Variants in IL21R observed in about 807,000 individuals in gnomAD.
IL21R encodes interleukin-21 receptor.
In IL21R, 14 loss-of-function variants were observed where a neutral mutation model predicts 41.3. The observed-to-expected ratio is 0.34, with a 90% confidence interval of 0.22 to 0.53. The LOEUF is 0.53. Among genes scored for constraint, IL21R ranks in the 20% least tolerant of loss-of-function variants. The pLI is 0.94. For synonymous variants in IL21R, 286 were observed against 287.6 expected (o/e 0.99, Z 0.05); for missense variants, 588 against 681.6 (o/e 0.86, Z 1.53).
In IL21R at chr16:27,449,276, C is replaced by T. The variant is rs530838561; in HGVS notation, c.1610C>T (p.Ala537Val). Residue 537 changes from alanine (A) to valine (V), a missense_variant, in exon 9 of 9, where the codon GCC (alanine) becomes GTC (valine). Ala to Val is a moderately conservative substitution (Grantham distance 64). Coordinates refer to ENST00000337929, the MANE Select transcript of IL21R (RefSeq NM_181078.3). Reference sequence around the variant, plus strand: ...CCACTTTCGAGCCCTGGACCCCAGGCCAGCTAATGAGGCTGACTGGATGTC... The same window carrying T: ...CCACTTTCGAGCCCTGGACCCCAGGTCAGCTAATGAGGCTGACTGGATGTC... The part of the protein sequence containing the change: ...PPPLSSPGPQ[A>V]S The T allele has an allele frequency of 3.1e-6, 5 of 1,594,504 alleles. No homozygotes were observed. The Admixed American group carries it at 6.8e-5, about 22-fold the overall frequency.
chr16:27,434,796 A>G (rs2087239013), intron 3 of IL21R, among the ~76,000 whole-genome samples: 1 of 152,136 alleles, frequency 6.6e-6, no homozygotes, highest in Admixed American at 6.5e-5. Flanking sequence ...AGATGAGGAC[A>G]TTGAGGTTCA....
In IL21R at chr16:27,411,900, G is replaced by A. The variant is rs567297302; in HGVS notation, c.-17+9282G>A. ...ATTCCATAGGTTGCCTTTTGATTCC[G>A]TTGATTATTTCCTCTGCTGAACAGA... On this transcript the variant is annotated intron_variant, in intron 1 of 8. Transcript: ENST00000337929. Among the ~76,000 whole-genome samples, 41 of 152,172 alleles carry A rather than the reference G, an allele frequency of 2.7e-4. No individual in the cohort carries two copies. The East Asian group carries it at 3.7e-3, about 14-fold the overall frequency.
At chr16:27,417,014 T>C (rs1419300616) in intron 1 of IL21R, among the ~76,000 whole-genome samples, 1 of 152,220 alleles carries the variant, frequency 6.6e-6, no homozygotes, top group Non-Finnish European at 1.5e-5. Context: ...TCTTTATCCA[T>C]TCACCAGTCG....
chr16:27,427,551 C>T (rs1194135458), intron 1 of IL21R, among the ~76,000 whole-genome samples: 1 of 152,118 alleles, frequency 6.6e-6, no homozygotes, highest in African/African-American at 2.4e-5. Context: ...ACACAGCACC[C>T]GGCTAACTTA....
chr16:27,439,678 A>T (rs145113372), intron 4 of IL21R, among the ~76,000 whole-genome samples: 43 of 152,248 alleles, frequency 2.8e-4, no homozygotes, highest in Non-Finnish European at 4.4e-4. Flanking sequence ...ACATGCACAG[A>T]CTCACAAGGG....
chr16:27,451,529 C>G lies in IL21R; in HGVS notation c.*2246C>G, dbSNP rs529161686. 5.8e-5 allele frequency: 12 copies of G among 208,640 alleles called. No homozygotes were observed. Among genetic ancestry groups the G allele is most frequent in the Non-Finnish European group, 1.2e-4 (12 of 102,594 alleles). The allele number at this position is 208,640 out of a possible 1,614,324, so 12.9% of individuals were successfully genotyped here. On this transcript the variant is annotated 3_prime_UTR_variant, in exon 9 of 9. Coordinates refer to ENST00000337929, the MANE Select transcript of IL21R (RefSeq NM_181078.3). ...TTCGAGACCAGCCTGGGCAACATAG[C>G]AAGGCCCCATCTCTACAAAAATTAT...
intron 5 of IL21R, among the ~76,000 whole-genome samples, chr16:27,443,782 CA>C (rs34976912): frequency 0.25 from 30,964 of 125,790 alleles, 3,164 homozygotes; most frequent in Middle Eastern, 0.3. Context: ...GACTCGATCT[CA>C]AAAAAAAAAA....
At chr16:27,420,056 T>G (rs997497223) in intron 1 of IL21R, among the ~76,000 whole-genome samples, 5 of 151,552 alleles carry the variant, frequency 3.3e-5, no homozygotes, top group Non-Finnish European at 7.4e-5. Flanking sequence ...CCTGGCTAAG[T>G]TTTTTGTGTT....
At position 27,449,115 on chromosome 16, in the gene IL21R, C is replaced by T. The variant is rs3093408; in HGVS notation, c.1449C>T (p.Ala483=). The change falls in exon 9 of 9, where the codon GCC becomes GCT. Residue 483 remains alanine, a synonymous_variant. Transcript: ENST00000337929. ...AGAGTGAGGCGGGCTCACCCCTGGCCGGCCTGGATATGGACACGTTTGACA... is the reference window on the plus strand; with the variant it reads ...AGAGTGAGGCGGGCTCACCCCTGGCTGGCCTGGATATGGACACGTTTGACA... The part of the protein sequence containing the change: ...VSESEAGSPL[A]GLDMDTFDSG... The T allele has an allele frequency of 2.2e-4, 357 of 1,613,472 alleles. No homozygotes were observed. The highest frequency in any genetic ancestry group is 2.9e-4 in the Non-Finnish European group (339 of 1,179,988).
At chr16:27,436,411 G>A (rs979291075) in intron 3 of IL21R, among the ~76,000 whole-genome samples, 1 of 152,234 alleles carries the variant, frequency 6.6e-6, no homozygotes, top group African/African-American at 2.4e-5. Flanking sequence ...GGAGGTCAGT[G>A]TGGCTGGAGT....
At chr16:27,422,567 A>C (rs561451685) in intron 1 of IL21R, among the ~76,000 whole-genome samples, 1 of 152,300 alleles carries the variant, frequency 6.6e-6, no homozygotes, top group South Asian at 2.1e-4. Flanking sequence ...TATGTTGCCA[A>C]ATCCATCTCT....
intron 1 of IL21R, among the ~76,000 whole-genome samples, chr16:27,415,040 G>A (rs558693296): frequency 3.9e-5 from 6 of 152,082 alleles, no homozygotes; most frequent in South Asian, 2.1e-4. Context: ...GAAGGATGGC[G>A]AAATCAATGA....
chr16:27,408,998 T>C (rs1197626254), intron 1 of IL21R, among the ~76,000 whole-genome samples: 1 of 152,076 alleles, frequency 6.6e-6, no homozygotes, highest in East Asian at 1.9e-4. Context: ...TGCATTTCTC[T>C]TTGGTTATAT....
At chr16:27,416,426 C>T in intron 1 of IL21R, among the ~76,000 whole-genome samples, 1 of 152,184 alleles carries the variant, frequency 6.6e-6, no homozygotes, top group East Asian at 1.9e-4. Flanking sequence ...GCGTGAACCA[C>T]CGCACCCAGC....
In IL21R at chr16:27,420,033, A is replaced by G. The variant is rs1052745449; in HGVS notation, c.-16-10023A>G. On this transcript the variant is annotated intron_variant, in intron 1 of 8. Transcript: ENST00000337929. ...CTCCTGAGTAGCTGGGACTACAGGC[A>G]TGTGTCACCACGCCTGGCTAAGTTT... Among the ~76,000 whole-genome samples the G allele has an allele frequency of 4.0e-5, 6 of 151,842 alleles. No individual in the cohort carries two copies. The South Asian group carries it at 6.2e-4, about 16-fold the overall frequency.
chr16:27,430,347 G>A (rs1187254632), intron 2 of IL21R, among the ~76,000 whole-genome samples: 3 of 152,220 alleles, frequency 2.0e-5, no homozygotes, highest in Non-Finnish European at 4.4e-5. Flanking sequence ...ATGAGTCTCA[G>A]GTGGCCCAGC....
intron 1 of IL21R, among the ~76,000 whole-genome samples, chr16:27,408,279 GT>G (rs1475918084): frequency 6.6e-6 from 1 of 152,222 alleles, no homozygotes; most frequent in Non-Finnish European, 1.5e-5. Flanking sequence ...CTAACAGTCA[GT>G]CAAAAAGGGC....
intron 1 of IL21R, among the ~76,000 whole-genome samples, chr16:27,418,268 A>AC (rs1341419547): frequency 5.9e-5 from 9 of 151,370 alleles, no homozygotes; most frequent in Admixed American, 5.3e-4. Flanking sequence ...ATGGGGTTTC[A>AC]CGTGCTAACC....
Position 27,440,296 on chromosome 16 carries a change from C to G in IL21R, c.352+2609C>G, listed in dbSNP as rs915699102. Among the ~76,000 whole-genome samples the G allele has an allele frequency of 3.9e-5, 4 of 103,038 alleles. 1 individual carries two copies. The highest frequency in any genetic ancestry group is 8.4e-5 in the African/African-American group (2 of 23,740). 67.6% of individuals were successfully genotyped at this position (103,038 alleles called of 152,430 possible). On this transcript the variant is annotated intron_variant, in intron 4 of 8. Transcript: ENST00000337929. ...AGAGAGAGAGCGAGCAAGCGCGCGCCAGGGTGTAGCTTTGTCCTCCAGCCT... is the reference window on the plus strand; with the variant it reads ...AGAGAGAGAGCGAGCAAGCGCGCGCGAGGGTGTAGCTTTGTCCTCCAGCCT...
Sources: gnomAD v4.1 joint callset for allele counts (sites outside exome capture counted in the v4.1 genomes callset) on GRCh38, gnomAD v4.1.1 for gene constraint, MANE v1.5 for transcripts, NCBI Gene and HGNC (gene_info 2026-07-23, HGNC 2026-07-21) for gene names.